The following UBE2G1 variants were observed in gnomAD, a reference collection of about 807,000 sequenced individuals.
The protein encoded by UBE2G1 is ubiquitin conjugating enzyme E2 G1.
UBE2G1 carries 5 observed loss-of-function variants against 22.7 expected under a neutral mutation model. The observed-to-expected ratio is 0.22, with a 90% CI of 0.12 to 0.46. The LOEUF (loss-of-function observed/expected upper bound fraction) is 0.46, where lower values mean the gene tolerates loss of function less well. UBE2G1 is among the 20% of genes least tolerant of loss of function. The pLI is 0.99. For missense variants in UBE2G1, 88 were observed against 203.9 expected, an observed-to-expected ratio of 0.43 and a Z score of 3.46; for synonymous variants, 74 against 67.5, an observed-to-expected ratio of 1.10 and a Z score of -0.47.
intron 1 of UBE2G1, among the ~76,000 whole-genome samples, chr17:4,348,460 G>A (rs1361305117): frequency 1.3e-5 from 2 of 150,652 alleles, no homozygotes; most frequent in Non-Finnish European, 3.0e-5. Flanking sequence ...GGCTGAGGCA[G>A]GAGAATGGCG....
At chr17:4,282,197 C>G (rs549791526) in intron 5 of UBE2G1, among the ~76,000 whole-genome samples, 8 of 152,298 alleles carry the variant, frequency 5.3e-5, no homozygotes, top group Admixed American at 2.0e-4. Context: ...ATTCTCCTCC[C>G]TCAACCTCCT....
Position 4,270,697 on chromosome 17 carries a change from A to G in UBE2G1, c.*1857T>C, listed in dbSNP as rs559505357. The G allele has an allele frequency of 1.3e-5, 2 of 152,056 alleles. No individual in the cohort carries two copies. Among genetic ancestry groups the G allele is most frequent in the African/African-American group, 4.8e-5 (2 of 41,538 alleles). The allele number at this position is 152,056 out of a possible 1,614,324, so 9.4% of individuals were successfully genotyped here. On this transcript the variant is annotated 3_prime_UTR_variant, in exon 6 of 6. Coordinates refer to ENST00000396981, the MANE Select transcript of UBE2G1 (RefSeq NM_003342.5). Reference sequence around the variant, plus strand: ...AAGTTCTTAAAGAAAACTGGGTTCTAATGAATCAATTTCCAGTCACAACAC... The same window carrying G: ...AAGTTCTTAAAGAAAACTGGGTTCTGATGAATCAATTTCCAGTCACAACAC...
At chr17:4,358,026 C>T (rs1189844452) in intron 1 of UBE2G1, among the ~76,000 whole-genome samples, 1 of 152,034 alleles carries the variant, frequency 6.6e-6, no homozygotes, top group Admixed American at 6.6e-5. Context: ...AAGCTGTTTT[C>T]TATCTATAGT....
chr17:4,281,902 C>T (rs1461892992), intron 5 of UBE2G1, among the ~76,000 whole-genome samples: 1 of 152,178 alleles, frequency 6.6e-6, no homozygotes, highest in Non-Finnish European at 1.5e-5. Context: ...AAATAACCCA[C>T]ATGTGAGCAA....
intron 5 of UBE2G1, among the ~76,000 whole-genome samples, chr17:4,279,704 G>A (rs1057217005): frequency 6.2e-4 from 94 of 151,362 alleles, no homozygotes; most frequent in African/African-American, 2.3e-3. Flanking sequence ...GAACCCAGGA[G>A]ACGGAGATTG....
intron 3 of UBE2G1, among the ~76,000 whole-genome samples, chr17:4,294,635 G>A (rs919595944): frequency 1.3e-5 from 2 of 152,130 alleles, no homozygotes; most frequent in Admixed American, 1.3e-4. Context: ...ACATAGGCCT[G>A]GCGTGGTAGC....
chr17:4,278,001 G>A (rs1968841231), intron 5 of UBE2G1, among the ~76,000 whole-genome samples: 1 of 152,000 alleles, frequency 6.6e-6, no homozygotes. Context: ...CGGGATTCAA[G>A]TGATTCTCCT....
At chr17:4,359,355 A>G (rs1969941575) in intron 1 of UBE2G1, among the ~76,000 whole-genome samples, 2 of 152,232 alleles carry the variant, frequency 1.3e-5, no homozygotes, top group African/African-American at 4.8e-5. Flanking sequence ...AAAAGCAAAG[A>G]TACAGCAATA....
At chr17:4,343,794 T>A (rs1182530993) in intron 1 of UBE2G1, among the ~76,000 whole-genome samples, 3 of 151,290 alleles carry the variant, frequency 2.0e-5, no homozygotes, top group Admixed American at 6.6e-5. Flanking sequence ...TTCACTTGTT[T>A]GCCAGGATGG....
At chr17:4,325,657 G>A (rs566591628) in intron 1 of UBE2G1, among the ~76,000 whole-genome samples, 4 of 152,212 alleles carry the variant, frequency 2.6e-5, no homozygotes, top group East Asian at 1.9e-4. Context: ...CCAAATTGCC[G>A]AAACATTCTT....
At chr17:4,361,209 C>G (rs915374883) in intron 1 of UBE2G1, among the ~76,000 whole-genome samples, 7 of 149,458 alleles carry the variant, frequency 4.7e-5, no homozygotes, top group African/African-American at 1.7e-4. Flanking sequence ...GGTGACAGAA[C>G]AAGACTCTGT....
intron 2 of UBE2G1, 42 bp downstream of exon 2, chr17:4,306,979 A>G (rs1471494179): frequency 2.6e-6 from 4 of 1,568,618 alleles, no homozygotes; most frequent in Non-Finnish European, 3.5e-6. Context: ...TCAGTGTATT[A>G]AAAGAGCTCC....
intron 1 of UBE2G1, among the ~76,000 whole-genome samples, chr17:4,321,111 T>C (rs962924884): frequency 2.0e-5 from 3 of 152,170 alleles, no homozygotes; most frequent in Admixed American, 6.5e-5. Flanking sequence ...GATCGCACCA[T>C]GGCACTCCAG....
At chr17:4,317,762 C>T (rs747352665) in intron 1 of UBE2G1, among the ~76,000 whole-genome samples, 7 of 152,150 alleles carry the variant, frequency 4.6e-5, no homozygotes, top group African/African-American at 1.7e-4. Flanking sequence ...CAATCACAGG[C>T]GTCAGGGTTC....
At chr17:4,304,255 C>G (rs1969223218) in intron 2 of UBE2G1, among the ~76,000 whole-genome samples, 4 of 152,136 alleles carry the variant, frequency 2.6e-5, no homozygotes, top group Admixed American at 2.0e-4. Context: ...CTTGGCCTCC[C>G]AAAGTGTAGG....
intron 1 of UBE2G1, among the ~76,000 whole-genome samples, 163 bp downstream of exon 1, chr17:4,366,108 G>A (rs1247375017): frequency 2.0e-5 from 3 of 152,144 alleles, no homozygotes; most frequent in East Asian, 1.9e-4. Context: ...AGAGCCGGGC[G>A]AGAACGGCTG....
intron 5 of UBE2G1, among the ~76,000 whole-genome samples, chr17:4,280,771 C>A (rs1470343482): frequency 1.1e-4 from 16 of 151,808 alleles, no homozygotes; most frequent in Admixed American, 5.9e-4. Flanking sequence ...CTAACTGGGA[C>A]AACAGGCGCA....
At chr17:4,300,450 G>C (rs1244838537) in intron 2 of UBE2G1, among the ~76,000 whole-genome samples, 1 of 152,056 alleles carries the variant, frequency 6.6e-6, no homozygotes, top group Non-Finnish European at 1.5e-5. Context: ...GGCTGAAGCA[G>C]GAGAATGGCT....
At chr17:4,302,262 G>T in intron 2 of UBE2G1, 1 of 467,902 alleles carries the variant, frequency 2.1e-6, no homozygotes. Context: ...CCCAGTATTT[G>T]GGCTCCCAGT....
Sources: gnomAD v4.1 joint callset for allele counts (sites outside exome capture counted in the v4.1 genomes callset) on GRCh38, gnomAD v4.1.1 for gene constraint, MANE v1.5 for transcripts, NCBI Gene and HGNC (gene_info 2026-07-23, HGNC 2026-07-21) for gene names.